The following PAFAH1B1 variants were observed in gnomAD, a reference collection of about 807,000 sequenced individuals.
The protein encoded by PAFAH1B1 is platelet-activating factor acetylhydrolase IB subunit beta.
PAFAH1B1 carries 2 observed loss-of-function variants against 57.5 expected under a neutral mutation model. The ratio of observed to expected loss-of-function variants is 0.03; its 90% CI spans 0.01 to 0.11. The LOEUF (loss-of-function observed/expected upper bound fraction) is 0.11. Ranked by LOEUF, PAFAH1B1 falls within the 10% of genes least tolerant of loss-of-function variation. PAFAH1B1 has a pLI of 1.00. For missense variants in PAFAH1B1, 257 were observed against 512.0 expected (o/e 0.50, Z 4.81); for synonymous variants, 152 against 169.6 (o/e 0.90, Z 0.81).
intron 1 of PAFAH1B1, among the ~76,000 whole-genome samples, chr17:2,603,525 G>A (rs1358152807): frequency 6.6e-6 from 1 of 152,056 alleles, no homozygotes; most frequent in Non-Finnish European, 1.5e-5. Flanking sequence ...GGAGGCTGAG[G>A]CAGGAGAATT....
At chr17:2,680,367 A>T (rs376389234) in intron 10 of PAFAH1B1, 47 bp downstream of exon 10, 1 of 1,541,932 alleles carries the variant, frequency 6.5e-7, no homozygotes, top group South Asian at 1.1e-5. Context: ...TTGGAGTGCC[A>T]GACAAACTGT....
In PAFAH1B1 at chr17:2,684,424, T is replaced by C. The variant is rs2069439556; in HGVS notation, c.*2622T>C. 1 of 152,624 alleles carries C rather than the reference T, an allele frequency of 6.6e-6. No individual in the cohort carries two copies. The highest frequency in any genetic ancestry group is 2.1e-4 in the South Asian group (1 of 4,830). 9.5% of individuals were successfully genotyped at this position (152,624 alleles called of 1,614,324 possible). Reference sequence around the variant, plus strand: ...TAAGTAGAGGACTTTTATTAATTGGTTTAGAGGTTCACTGCTGCTTTGTCA... The same window carrying C: ...TAAGTAGAGGACTTTTATTAATTGGCTTAGAGGTTCACTGCTGCTTTGTCA... On this transcript the variant is annotated 3_prime_UTR_variant, in exon 11 of 11. Transcript: ENST00000397195.
chr17:2,608,245 C>A (rs540485631), intron 1 of PAFAH1B1, among the ~76,000 whole-genome samples: 2 of 151,986 alleles, frequency 1.3e-5, no homozygotes, highest in Non-Finnish European at 2.9e-5. Flanking sequence ...CCACCATGCT[C>A]GGCTAATTTT....
At chr17:2,632,728 TTGAG>T (rs1269204665) in intron 1 of PAFAH1B1, among the ~76,000 whole-genome samples, 1 of 152,342 alleles carries the variant, frequency 6.6e-6, no homozygotes, top group African/African-American at 2.4e-5. Context: ...TTACATTGTA[TTGAG>T]TATTATATGT....
intron 2 of PAFAH1B1, among the ~76,000 whole-genome samples, chr17:2,652,404 G>A (rs1323588244): frequency 6.6e-6 from 1 of 152,234 alleles, no homozygotes; most frequent in African/African-American, 2.4e-5. Context: ...GGCAGAGCGA[G>A]ACTCCGTCTC....
At chr17:2,629,962 A>C (rs2068535285) in intron 1 of PAFAH1B1, among the ~76,000 whole-genome samples, 1 of 151,940 alleles carries the variant, frequency 6.6e-6, no homozygotes, top group Non-Finnish European at 1.5e-5. Context: ...TTTACTTTAA[A>C]TTTATGTGAG....
intron 2 of PAFAH1B1, among the ~76,000 whole-genome samples, chr17:2,652,418 C>A (rs560152827): frequency 1.3e-5 from 2 of 151,674 alleles, no homozygotes; most frequent in African/African-American, 4.9e-5. Context: ...CCGTCTCAAA[C>A]AAAACAAAAC....
rs117435480 is a variant in PAFAH1B1 at position 2,684,032 on chromosome 17, G to C, written c.*2230G>C. The C allele has an allele frequency of 6.6e-6, 1 of 152,654 alleles. No individual in the cohort carries two copies. Among genetic ancestry groups the C allele is most frequent in the Non-Finnish European group, 1.5e-5 (1 of 68,040 alleles). 9.5% of individuals were successfully genotyped at this position (152,654 alleles called of 1,614,324 possible). A position where few individuals can be genotyped will look rare whatever the true frequency, so the allele number is the denominator to read the frequency against. ...CGTGTCTTCCCCTGCAGCACACAGCGACTTGCGTTGACAAAGGAGGAGGAA... is the reference window on the plus strand; with the variant it reads ...CGTGTCTTCCCCTGCAGCACACAGCCACTTGCGTTGACAAAGGAGGAGGAA... On this transcript the variant is annotated 3_prime_UTR_variant, in exon 11 of 11. Coordinates refer to ENST00000397195, the MANE Select transcript of PAFAH1B1 (RefSeq NM_000430.4).
At chr17:2,596,391 A>G (rs566792651) in intron 1 of PAFAH1B1, among the ~76,000 whole-genome samples, 2 of 152,220 alleles carry the variant, frequency 1.3e-5, no homozygotes, top group Non-Finnish European at 2.9e-5. Flanking sequence ...AATAGTGAAC[A>G]TAAAAGGTGG....
chr17:2,614,982 T>A (rs755470333), intron 1 of PAFAH1B1, among the ~76,000 whole-genome samples: 1 of 152,210 alleles, frequency 6.6e-6, no homozygotes, highest in Non-Finnish European at 1.5e-5. Context: ...CCACTATTTG[T>A]GGCATATGCA....
intron 1 of PAFAH1B1, among the ~76,000 whole-genome samples, chr17:2,608,427 A>G (rs560826548): frequency 5.9e-5 from 9 of 152,308 alleles, no homozygotes; most frequent in Admixed American, 3.9e-4. Context: ...GAAATGGGCA[A>G]TTAGGTTGTT....
chr17:2,607,254 A>G (rs956251963), intron 1 of PAFAH1B1, among the ~76,000 whole-genome samples: 1 of 151,742 alleles, frequency 6.6e-6, no homozygotes, highest in Non-Finnish European at 1.5e-5. Context: ...GCTCACTGCA[A>G]CCTCGGCCTC....
At chr17:2,598,333 T>C (rs766850165) in intron 1 of PAFAH1B1, among the ~76,000 whole-genome samples, 45 of 152,292 alleles carry the variant, frequency 3.0e-4, no homozygotes, top group Non-Finnish European at 4.4e-4. Context: ...GAATTTTCAA[T>C]ATCTTCCCAT....
chr17:2,644,905 C>G (rs1460084373), intron 2 of PAFAH1B1, among the ~76,000 whole-genome samples: 3 of 152,166 alleles, frequency 2.0e-5, no homozygotes, highest in Non-Finnish European at 4.4e-5. Flanking sequence ...AGAGGAGAAC[C>G]TAATTTCAGA....
chr17:2,623,535 G>A (rs1180756440), intron 1 of PAFAH1B1, among the ~76,000 whole-genome samples: 1 of 151,860 alleles, frequency 6.6e-6, no homozygotes, highest in Non-Finnish European at 1.5e-5. Context: ...TGGGATTACA[G>A]GCGTGAGCCA....
intron 1 of PAFAH1B1, among the ~76,000 whole-genome samples, chr17:2,637,415 AC>A (rs2068638942): frequency 4.4e-5 from 2 of 45,172 alleles, no homozygotes; most frequent in East Asian, 6.2e-4. Context: ...ACCTGTCTCT[AC>A]AAAAAAAAAA....
chr17:2,673,027 C>T (rs2069204659), intron 7 of PAFAH1B1, among the ~76,000 whole-genome samples: 1 of 151,840 alleles, frequency 6.6e-6, no homozygotes, highest in Non-Finnish European at 1.5e-5. Flanking sequence ...GAGATCGTGC[C>T]ATTGCACTCT....
intron 8 of PAFAH1B1, among the ~76,000 whole-genome samples, chr17:2,674,874 A>C (rs906731113): frequency 2.0e-5 from 3 of 152,358 alleles, no homozygotes; most frequent in Admixed American, 2.0e-4. Context: ...GTACAGCGGC[A>C]CATGGCTATA....
chr17:2,666,913 A>T, intron 4 of PAFAH1B1, 79 bp from the exon 5 acceptor site: 1 of 1,081,748 alleles, frequency 9.2e-7, no homozygotes, highest in Admixed American at 1.9e-5. Context: ...ATAGTTGCAA[A>T]ATAAAGGCAG....
Sources: allele counts gnomAD v4.1 joint callset (sites outside exome capture counted in the v4.1 genomes callset), GRCh38; gene constraint gnomAD v4.1.1; transcripts MANE v1.5; gene names NCBI Gene and HGNC (gene_info 2026-07-23, HGNC 2026-07-21).